The following PTBP3 variants were observed in gnomAD, a reference collection of about 807,000 sequenced individuals.
PTBP3 encodes the protein polypyrimidine tract-binding protein 3.
A neutral mutation model predicts 58.7 loss-of-function variants in PTBP3; 20 were observed. The ratio of observed to expected loss-of-function variants is 0.34; its 90% confidence interval spans 0.24 to 0.50. PTBP3 has a LOEUF of 0.50. Ranked by LOEUF, PTBP3 falls within the 20% of genes least tolerant of loss-of-function variation. The pLI is 0.98. For synonymous variants in PTBP3, 185 were observed against 219.8 expected, an observed-to-expected ratio of 0.84 and a Z score of 1.40; for missense variants, 509 against 637.2, an observed-to-expected ratio of 0.80 and a Z score of 2.17.
chr9:112,302,635 CTGG>C, intron 1 of PTBP3, among the ~76,000 whole-genome samples: 1 of 143,852 alleles, frequency 7.0e-6, no homozygotes, highest in East Asian at 2.1e-4. Context: ...GTCACCCAGG[CTGG>C]AGTACAGTGA....
At chr9:112,240,552 G>C (rs1831118) in intron 7 of PTBP3, among the ~76,000 whole-genome samples, 83,702 of 150,926 alleles carry the variant, frequency 0.55, 24,777 homozygotes, top group African/African-American at 0.79. Context: ...TGATAATAAA[G>C]AATTATGTTA....
chr9:112,286,532 A>G (rs1828125382), intron 2 of PTBP3, among the ~76,000 whole-genome samples: 1 of 152,146 alleles, frequency 6.6e-6, no homozygotes, highest in South Asian at 2.1e-4. Context: ...AATAATATTA[A>G]AACACCTCAG....
intron 8 of PTBP3, among the ~76,000 whole-genome samples, chr9:112,234,155 A>G (rs895324851): frequency 6.6e-6 from 1 of 152,214 alleles, no homozygotes; most frequent in Admixed American, 6.5e-5. Context: ...AGATAAAACC[A>G]TAAAGTAACA....
chr9:112,340,419 CAA>C, the PTBP3 span, among the ~76,000 whole-genome samples: 1 of 152,030 alleles, frequency 6.6e-6, no homozygotes, highest in Non-Finnish European at 1.5e-5. Flanking sequence ...ATGATTTTCT[CAA>C]GTCTATTCTC....
intron 12 of PTBP3, among the ~76,000 whole-genome samples, chr9:112,224,853 G>A (rs1401628704): frequency 6.6e-6 from 1 of 152,158 alleles, no homozygotes; most frequent in African/African-American, 2.4e-5. Context: ...AAGACACTAT[G>A]GAGAAGTCCT....
At chr9:112,270,470 TTAAAA>T (rs1339138258) in intron 3 of PTBP3, among the ~76,000 whole-genome samples, 3 of 152,352 alleles carry the variant, frequency 2.0e-5, no homozygotes, top group East Asian at 1.9e-4. Flanking sequence ...CAAGTTTTAC[TTAAAA>T]TAATCTACGC....
At chr9:112,364,596 G>A in the PTBP3 span, among the ~76,000 whole-genome samples, 2 of 152,068 alleles carry the variant, frequency 1.3e-5, no homozygotes, top group African/African-American at 4.8e-5. Context: ...TCACGCCACT[G>A]TACTCTAGCC....
rs527436411 is a variant in PTBP3 at position 112,270,579 on chromosome 9, TC to T, written c.205-2385del. On this transcript the variant is annotated intron_variant, in intron 3 of 13. Transcript: ENST00000374257. ...TAATTAAGCATTCCTTAAAAAGGCA[TC>T]TGAAATTCCAGTCTAAAATAATGGG... Among the ~76,000 whole-genome samples the T allele has an allele frequency of 1.9e-4, 29 of 152,344 alleles. No homozygotes were observed. The East Asian group carries it at 5.6e-3, about 29-fold the overall frequency.
chr9:112,373,629 C>T, the PTBP3 span, among the ~76,000 whole-genome samples: 6 of 152,208 alleles, frequency 3.9e-5, no homozygotes, highest in African/African-American at 1.2e-4. Context: ...TGAGAACATA[C>T]GTAATCTTCA....
At chr9:112,302,260 G>C (rs910062737) in intron 1 of PTBP3, among the ~76,000 whole-genome samples, 16 of 152,032 alleles carry the variant, frequency 1.1e-4, no homozygotes. Flanking sequence ...ACAGCTCAAG[G>C]GAAAGGCAAA....
At chr9:112,312,209 T>C (rs535243532) in intron 1 of PTBP3, among the ~76,000 whole-genome samples, 2 of 152,150 alleles carry the variant, frequency 1.3e-5, no homozygotes, top group South Asian at 4.2e-4. Context: ...GAAAATCACC[T>C]TAACCAAGTG....
the PTBP3 span, among the ~76,000 whole-genome samples, chr9:112,375,242 A>G: frequency 1.3e-5 from 2 of 152,180 alleles, no homozygotes; most frequent in African/African-American, 2.4e-5. Flanking sequence ...CCCAAATTTT[A>G]TTGTCACCAA....
the PTBP3 span, among the ~76,000 whole-genome samples, chr9:112,365,897 C>T: frequency 6.6e-6 from 1 of 152,104 alleles, no homozygotes; most frequent in Non-Finnish European, 1.5e-5. Context: ...ACAGGCATTC[C>T]ATTTTATAAG....
intron 2 of PTBP3, among the ~76,000 whole-genome samples, chr9:112,285,135 A>AG (rs753699089): frequency 6.6e-6 from 1 of 152,130 alleles, no homozygotes; most frequent in Non-Finnish European, 1.5e-5. Context: ...GTTGAGGGGG[A>AG]GACCTGGTGG....
upstream of PTBP3, among the ~76,000 whole-genome samples, chr9:112,333,935 C>G (rs1271914057): frequency 1.3e-5 from 2 of 150,564 alleles, no homozygotes; most frequent in South Asian, 2.1e-4. Flanking sequence ...GCCGCGCACC[C>G]CGCCCGCCCT....
intron 1 of PTBP3, among the ~76,000 whole-genome samples, chr9:112,302,888 C>T (rs745363363): frequency 6.6e-6 from 1 of 152,108 alleles, no homozygotes; most frequent in Non-Finnish European, 1.5e-5. Flanking sequence ...CCACGCCCAG[C>T]CTGACTATAT....
At chr9:112,262,328 AAAT>A in intron 5 of PTBP3, 104 bp downstream of exon 5, 1 of 963,704 alleles carries the variant, frequency 1.0e-6, no homozygotes, top group East Asian at 3.0e-5. Context: ...TTATTTAAAC[AAAT>A]ATATCAACAA....
chr9:112,253,129 G>A (rs928783117), intron 5 of PTBP3, among the ~76,000 whole-genome samples: 2 of 152,160 alleles, frequency 1.3e-5, no homozygotes, highest in Non-Finnish European at 2.9e-5. Flanking sequence ...ACCCTGTGAA[G>A]AATCATCTAC....
At chr9:112,245,443 T>G (rs539900051) in intron 7 of PTBP3, among the ~76,000 whole-genome samples, 1 of 152,154 alleles carries the variant, frequency 6.6e-6, no homozygotes, top group African/African-American at 2.4e-5. Flanking sequence ...TCTTGAAGAG[T>G]TACCAATATG....
Sources: allele counts gnomAD v4.1 joint callset (sites outside exome capture counted in the v4.1 genomes callset), GRCh38; gene constraint gnomAD v4.1.1; transcripts MANE v1.5; gene names NCBI Gene and HGNC (gene_info 2026-07-23, HGNC 2026-07-21).